PACSIN2: variants seen among roughly 807,000 people sequenced by gnomAD.
The protein encoded by PACSIN2 is protein kinase C and casein kinase substrate in neurons protein 2.
Under a neutral mutation model 63.8 loss-of-function variants are expected in PACSIN2, and 25 were observed. That is an observed-to-expected ratio of 0.39 (90% confidence interval 0.29 to 0.55). The LOEUF is 0.55. PACSIN2 is among the 20% of genes least tolerant of loss of function. The pLI is 0.62. For synonymous variants in PACSIN2, 255 were observed against 256.2 expected (o/e 1.00, Z 0.05); for missense variants, 518 against 646.9 (o/e 0.80, Z 2.16).
chr22:42,987,550 A>C (rs1271098918), intron 1 of PACSIN2, among the ~76,000 whole-genome samples: 2 of 12,252 alleles, frequency 1.6e-4, no homozygotes, highest in Admixed American at 1.7e-3. Context: ...TTTTTTTTTG[A>C]GACAGGAGTC....
At chr22:42,887,285 C>T (rs1008448620) in intron 5 of PACSIN2, among the ~76,000 whole-genome samples, 15 of 151,474 alleles carry the variant, frequency 9.9e-5, no homozygotes, top group African/African-American at 2.7e-4. Flanking sequence ...CTTGCTACAC[C>T]GACGGCATAG....
At chr22:42,959,368 C>T (rs1934043492) in intron 1 of PACSIN2, among the ~76,000 whole-genome samples, 1 of 152,166 alleles carries the variant, frequency 6.6e-6, no homozygotes. Context: ...ACTCAAGTAA[C>T]TCATTTAGCT....
intron 1 of PACSIN2, among the ~76,000 whole-genome samples, chr22:42,964,507 G>C (rs572910415): frequency 6.6e-6 from 1 of 151,904 alleles, no homozygotes; most frequent in Non-Finnish European, 1.5e-5. Flanking sequence ...GCAGTTCTGC[G>C]CTCGCCTCAG....
intron 1 of PACSIN2, among the ~76,000 whole-genome samples, chr22:42,984,341 T>C (rs1922459168): frequency 6.7e-6 from 1 of 149,576 alleles, no homozygotes; most frequent in South Asian, 2.1e-4. Flanking sequence ...ATAATTTGTT[T>C]AAAGACCAGG....
chr22:42,877,094 A>G, intron 8 of PACSIN2, 84 bp from the exon 9 acceptor site: 1 of 1,484,250 alleles, frequency 6.7e-7, no homozygotes, highest in Non-Finnish European at 9.3e-7. Context: ...CAGGATCTCA[A>G]GAGACAAATC....
Position 42,870,034 on chromosome 22 carries a change from C to T in PACSIN2, c.*1323G>A, listed in dbSNP as rs991372349. 7.2e-5 allele frequency: 11 copies of T among 152,076 alleles called. No individual in the cohort carries two copies. The highest frequency in any genetic ancestry group is 2.4e-4 in the African/African-American group (10 of 41,470). The allele number at this position is 152,076 out of a possible 1,614,324, so 9.4% of individuals were successfully genotyped here. On this transcript the variant is annotated 3_prime_UTR_variant, in exon 11 of 11. Transcript: ENST00000263246. Reference sequence around the variant, plus strand: ...GTGAAACACAGGTTCCCCCACGTTCCCCCCACCCCCGCCGGCCCGCGTGGC... The same window carrying T: ...GTGAAACACAGGTTCCCCCACGTTCTCCCCACCCCCGCCGGCCCGCGTGGC...
chr22:42,898,675 A>C (rs2146688495), intron 2 of PACSIN2, among the ~76,000 whole-genome samples: 1 of 150,896 alleles, frequency 6.6e-6, no homozygotes, highest in East Asian at 2.0e-4. Flanking sequence ...CAGGGAATCC[A>C]CTCCCTTCCC....
intron 1 of PACSIN2, among the ~76,000 whole-genome samples, chr22:42,923,522 G>T (rs988695895): frequency 6.6e-6 from 1 of 152,150 alleles, no homozygotes; most frequent in Non-Finnish European, 1.5e-5. Flanking sequence ...CCGCCTCCCG[G>T]GTTCACGCCA....
At position 42,871,503 on chromosome 22, in the gene PACSIN2, GGT is replaced by G; in HGVS notation, c.1349-36_1349-35del. ...CAAAGAGGGAGCCGTCTCCATGAGA[GGT>G]ATGACACCGACGGTGGGCTACAGAG... On this transcript the variant is annotated intron_variant, in intron 10 of 10. Coordinates refer to ENST00000263246, the MANE Select transcript of PACSIN2 (RefSeq NM_001184970.3). This position sits in a 1 kb window ranked among gnomAD's most constrained non-coding sequence, Gnocchi z 5.4. 1 of 1,498,292 alleles carries G rather than the reference GGT, an allele frequency of 6.7e-7. No homozygotes were observed. The allele number at this position is 1,498,292 out of a possible 1,614,324, so 92.8% of individuals were successfully genotyped here. A position where few individuals can be genotyped will look rare whatever the true frequency, so the allele number is the denominator to read the frequency against.
At chr22:42,947,446 A>G (rs1483118780) in intron 1 of PACSIN2, among the ~76,000 whole-genome samples, 1 of 152,094 alleles carries the variant, frequency 6.6e-6, no homozygotes, top group Non-Finnish European at 1.5e-5. Context: ...TTTGTCCACA[A>G]AAGAGGAGCG....
At chr22:42,923,240 C>T (rs1293721115) in intron 1 of PACSIN2, among the ~76,000 whole-genome samples, 1 of 152,190 alleles carries the variant, frequency 6.6e-6, no homozygotes, top group African/African-American at 2.4e-5. Flanking sequence ...CTTCTCAATG[C>T]ATGATATATT....
chr22:42,999,227 C>T (rs964075477), intron 1 of PACSIN2, among the ~76,000 whole-genome samples: 1 of 152,226 alleles, frequency 6.6e-6, no homozygotes, highest in African/African-American at 2.4e-5. Flanking sequence ...TACTTGCTCA[C>T]CTGCATGCTC....
rs1157326931 is a variant in PACSIN2 at position 42,892,939 on chromosome 22, TAA to T, written c.217+516_217+517del. ...GCCCCTGTCCACACAACAGTGGCAC[TAA>T]TAAAGCTACAGAATCTTCTGAGCTT... On this transcript the variant is annotated intron_variant, in intron 3 of 10. Transcript: ENST00000263246. Among the ~76,000 whole-genome samples the T allele has an allele frequency of 1.2e-4, 19 of 152,214 alleles. 1 individual carries two copies. The highest frequency in any genetic ancestry group is 1.5e-5 in the Non-Finnish European group (1 of 68,030).
rs1933241586 is a variant in PACSIN2 at position 42,942,969 on chromosome 22, T to C, written c.-77-30812A>G. 5.3e-5 allele frequency among the ~76,000 whole-genome samples: 8 copies of C among 152,352 alleles called. 1 individual carries two copies. The South Asian group carries it at 1.7e-3, about 32-fold the overall frequency. ...TTTGAAAGGGACTGCTGTGACTCTG[T>C]AGCTCAATTTGAGGAGTACTGCCAT... is the stretch of plus-strand genomic sequence containing the variant. On this transcript the variant is annotated intron_variant, in intron 1 of 10. Transcript: ENST00000263246.
At chr22:42,875,424 T>C (rs1928536993) in intron 10 of PACSIN2, among the ~76,000 whole-genome samples, 3 of 152,046 alleles carry the variant, frequency 2.0e-5, no homozygotes, top group East Asian at 1.9e-4. Context: ...GGTTGGAGTA[T>C]AGTGGTACAA....
At chr22:42,977,176 G>T (rs1921764886) in intron 1 of PACSIN2, among the ~76,000 whole-genome samples, 1 of 144,408 alleles carries the variant, frequency 6.9e-6, no homozygotes, top group Non-Finnish European at 1.6e-5. Context: ...TTTTTACAAA[G>T]AAATAGAAAT....
intron 1 of PACSIN2, among the ~76,000 whole-genome samples, chr22:42,913,168 G>A (rs904880152): frequency 1.3e-5 from 2 of 152,082 alleles, no homozygotes; most frequent in South Asian, 2.1e-4. Context: ...TCTGTGCCTC[G>A]CTTGCCTTAT....
intron 1 of PACSIN2, among the ~76,000 whole-genome samples, chr22:42,984,493 G>C (rs891089012): frequency 3.9e-5 from 6 of 152,088 alleles, no homozygotes; most frequent in African/African-American, 1.4e-4. Context: ...CATCTCCCCA[G>C]ACTGGATCTG....
At chr22:42,888,346 A>C (rs915117721) in intron 5 of PACSIN2, among the ~76,000 whole-genome samples, 4 of 152,244 alleles carry the variant, frequency 2.6e-5, no homozygotes, top group African/African-American at 9.6e-5. Flanking sequence ...TGTTGGCACA[A>C]GCAGCTCCCT....
Sources: allele counts gnomAD v4.1 joint callset (sites outside exome capture counted in the v4.1 genomes callset), GRCh38; gene constraint gnomAD v4.1.1; non-coding constraint Gnocchi (gnomAD v3.1); transcripts MANE v1.5; gene names NCBI Gene and HGNC (gene_info 2026-07-23, HGNC 2026-07-21).